The following ZPLD1 variants were observed in gnomAD, a reference collection of about 807,000 sequenced individuals.
The protein encoded by ZPLD1 is zona pellucida-like domain-containing protein 1.
ZPLD1 carries 34 observed loss-of-function variants against 47.2 expected under a neutral mutation model. The observed-to-expected ratio is 0.72, with a 90% CI of 0.55 to 0.96. ZPLD1 has a LOEUF of 0.96. Ranked by LOEUF, ZPLD1 falls within the 40% of genes least tolerant of loss-of-function variation. The probability of loss-of-function intolerance (pLI) is 0.00; values close to 1 mark genes in which losing one functional copy is unlikely to be tolerated. For synonymous variants in ZPLD1, 176 were observed against 186.2 expected, an observed-to-expected ratio of 0.95 and a Z score of 0.45; for missense variants, 512 against 505.8, an observed-to-expected ratio of 1.01 and a Z score of -0.12.
At chr3:102,427,422 G>C (rs984206917) in intron 8 of ZPLD1, among the ~76,000 whole-genome samples, 5 of 152,030 alleles carry the variant, frequency 3.3e-5, no homozygotes, top group Non-Finnish European at 7.4e-5. Flanking sequence ...GAGGGTTTTG[G>C]GGATGCATCA....
chr3:102,389,501 TA>T (rs1559737446), intron 6 of ZPLD1, among the ~76,000 whole-genome samples: 1 of 152,176 alleles, frequency 6.6e-6, no homozygotes, highest in African/African-American at 2.4e-5. Context: ...TATTTTTTAT[TA>T]AAAAAACTTC....
intron 8 of ZPLD1, among the ~76,000 whole-genome samples, chr3:102,421,421 AACT>A (rs1443463775): frequency 2.0e-5 from 3 of 151,896 alleles, no homozygotes; most frequent in African/African-American, 4.8e-5. Context: ...AATTTTTAAA[AACT>A]ACTCATCTTT....
At chr3:102,408,005 T>G (rs760703183) in intron 7 of ZPLD1, among the ~76,000 whole-genome samples, 3 of 151,828 alleles carry the variant, frequency 2.0e-5, no homozygotes, top group Non-Finnish European at 2.9e-5. Flanking sequence ...GTTCAAGAAT[T>G]AAGTTTGTTT....
At chr3:102,435,830 G>T (rs902130950) in intron 1 of ZPLD1, among the ~76,000 whole-genome samples, 9 of 152,072 alleles carry the variant, frequency 5.9e-5, no homozygotes, top group Admixed American at 5.9e-4. Context: ...TTTTACTAGA[G>T]ACGGTGTTTC....
chr3:102,416,534 C>T (rs768212093), intron 7 of ZPLD1, among the ~76,000 whole-genome samples: 2 of 151,886 alleles, frequency 1.3e-5, no homozygotes, highest in Admixed American at 6.6e-5. Context: ...GAGTAAAACA[C>T]ACATGAGTCT....
At chr3:102,438,654 C>A (rs574367527) in intron 3 of ZPLD1, 61 bp downstream of exon 3, 9 of 1,304,694 alleles carry the variant, frequency 6.9e-6, no homozygotes, top group Non-Finnish European at 9.9e-6. Context: ...ATTTGAAGAG[C>A]AAGTCATTTA....
intron 3 of ZPLD1, among the ~76,000 whole-genome samples, chr3:102,442,771 C>G (rs1345940138): frequency 6.6e-6 from 1 of 152,144 alleles, no homozygotes; most frequent in Non-Finnish European, 1.5e-5. Flanking sequence ...GACATTAGAA[C>G]TATTTTCTTT....
intron 8 of ZPLD1, among the ~76,000 whole-genome samples, chr3:102,423,725 C>A (rs919957577): frequency 3.3e-5 from 5 of 152,054 alleles, no homozygotes; most frequent in African/African-American, 1.2e-4. Flanking sequence ...AGGTGAGTCT[C>A]CCTCAAGAAG....
In ZPLD1 at chr3:102,452,975, T is replaced by C; in HGVS notation, c.163T>C (p.Phe55Leu). Residue 55 changes from phenylalanine to leucine, a missense_variant, in exon 4 of 12, where the codon TTT (phenylalanine) becomes CTT (leucine). Transcript: ENST00000466937. ...GCAGGCTATTACGATGAAGATTAAT[T>C]TTTGCACGGTACTTTTCTCGGGTTA... ...GVQAITMKIN[F>L]CTVLFSGYSE... The C allele has an allele frequency of 1.2e-6, 2 of 1,614,160 alleles. No individual in the cohort carries two copies. The highest frequency in any genetic ancestry group is 1.7e-6 in the Non-Finnish European group (2 of 1,180,004).
chr3:102,423,064 A>G (rs1028729577), intron 8 of ZPLD1, among the ~76,000 whole-genome samples: 1 of 152,112 alleles, frequency 6.6e-6, no homozygotes, highest in Non-Finnish European at 1.5e-5. Context: ...TTTCCCTACA[A>G]TTGTTTTACT....
intron 3 of ZPLD1, 27 bp downstream of exon 3, chr3:102,438,620 A>G (rs1356621961): frequency 6.5e-6 from 10 of 1,544,106 alleles, no homozygotes; most frequent in Non-Finnish European, 8.9e-6. Flanking sequence ...TCTATTCTCT[A>G]GTTGTTTCTG....
chr3:102,393,648 T>TA (rs80092157), intron 7 of ZPLD1, among the ~76,000 whole-genome samples: 2,929 of 145,144 alleles, frequency 0.02, 61 homozygotes, highest in East Asian at 0.074. Context: ...CTTTGTAGAT[T>TA]AAAAAAAAAA....
chr3:102,414,001 G>A (rs537639555), intron 7 of ZPLD1, among the ~76,000 whole-genome samples: 21 of 151,740 alleles, frequency 1.4e-4, no homozygotes, highest in Middle Eastern at 3.4e-3. Context: ...GCCAACCATT[G>A]CTGCCTTGAG....
intron 7 of ZPLD1, among the ~76,000 whole-genome samples, chr3:102,411,371 T>A (rs539707465): frequency 7.9e-5 from 12 of 151,946 alleles, no homozygotes; most frequent in Non-Finnish European, 1.8e-4. Context: ...TCTGAAAATT[T>A]AGTAAGCTGG....
chr3:102,477,803 T>C lies in ZPLD1; in HGVS notation c.*185T>C. 2.0e-6 allele frequency: 1 copy of C among 488,052 alleles called. No individual in the cohort carries two copies. Among genetic ancestry groups the C allele is most frequent in the East Asian group, 3.6e-5 (1 of 28,052 alleles). 30.2% of individuals were successfully genotyped at this position (488,052 alleles called of 1,614,324 possible). A position where few individuals can be genotyped will look rare whatever the true frequency, so the allele number is the denominator to read the frequency against. On this transcript the variant is annotated 3_prime_UTR_variant, in exon 12 of 12. Coordinates refer to ENST00000466937, the MANE Select transcript of ZPLD1 (RefSeq NM_001329788.2). The stretch of plus-strand genomic sequence containing the variant: ...TTTATTATATTGCTATTGTCACTTA[T>C]GTACGTGGCGAGCCGTATTTTTATG...
Position 102,393,155 on chromosome 3 carries a change from G to A in ZPLD1, c.-157+930G>A, listed in dbSNP as rs74589157. 1.6e-4 allele frequency among the ~76,000 whole-genome samples: 25 copies of A among 152,256 alleles called. No individual in the cohort carries two copies. In the East Asian group the frequency reaches 2.5e-3, roughly 15 times the overall value. ...ACTAAAGTTTTCCAAGGTGGAAATT[G>A]AGCTAGAGGGTGTGAAGATACAACA... is the stretch of plus-strand genomic sequence containing the variant. On this transcript the variant is annotated intron_variant, in intron 7 of 17. Coordinates refer to the ZPLD1 transcript ENST00000491959.
chr3:102,388,130 G>C (rs1173058367), intron 6 of ZPLD1, among the ~76,000 whole-genome samples: 1 of 152,068 alleles, frequency 6.6e-6, no homozygotes, highest in African/African-American at 2.4e-5. Context: ...AAAGTGCTGG[G>C]ATTACAGGCG....
chr3:102,425,640 A>G (rs1706936331), intron 8 of ZPLD1, among the ~76,000 whole-genome samples: 1 of 152,108 alleles, frequency 6.6e-6, no homozygotes, highest in African/African-American at 2.4e-5. Flanking sequence ...TTATTGAGAT[A>G]GGAGCTGAAA....
chr3:102,432,411 A>C (rs1333113866), upstream of ZPLD1, among the ~76,000 whole-genome samples: 3 of 152,226 alleles, frequency 2.0e-5, no homozygotes, highest in Non-Finnish European at 4.4e-5. Flanking sequence ...TTAGTGGGGA[A>C]AAGTGCATAA....
Sources: gnomAD v4.1 joint callset for allele counts (sites outside exome capture counted in the v4.1 genomes callset) on GRCh38, gnomAD v4.1.1 for gene constraint, MANE v1.5 for transcripts, NCBI Gene and HGNC (gene_info 2026-07-23, HGNC 2026-07-21) for gene names.